The following SLC12A4 variants were observed in gnomAD, a reference collection of about 807,000 sequenced individuals.
The protein encoded by SLC12A4 is solute carrier family 12 member 4.
Under a neutral mutation model 119.2 loss-of-function variants are expected in SLC12A4, and 84 were observed. That is an observed-to-expected ratio of 0.70 (90% CI 0.59 to 0.85). The LOEUF (loss-of-function observed/expected upper bound fraction) is 0.85, where lower values mean the gene tolerates loss of function less well. SLC12A4 is among the 40% of genes least tolerant of loss of function. The pLI, the probability that SLC12A4 is intolerant of heterozygous loss-of-function variation, is 0.00. For synonymous variants in SLC12A4, 599 were observed against 604.6 expected, an observed-to-expected ratio of 0.99 and a Z score of 0.14; for missense variants, 1,298 against 1,476.3, an observed-to-expected ratio of 0.88 and a Z score of 1.98.
Position 67,951,200 on chromosome 16 carries a change from C to T in SLC12A4, c.1237G>A (p.Val413Ile), listed in dbSNP as rs2058411522. Residue 413 changes from valine (V) to isoleucine (I), a missense_variant, in exon 9 of 24, where the codon GTC (valine) becomes ATC (isoleucine). Val to Ile is a conservative substitution (Grantham distance 29). Transcript: ENST00000316341. This position sits in a 1 kb window ranked among gnomAD's most constrained non-coding sequence, Gnocchi z 5.2. ...GTGAAGGATGTGGCGATGTCAGCGA[C>T]CACGTACAGAGGCAGGCTCTCCTTC... ...SLKESLPLYV[V>I]ADIATSFTVL... 1 of 1,613,988 alleles carries T rather than the reference C, an allele frequency of 6.2e-7. No individual in the cohort carries two copies. The highest frequency in any genetic ancestry group is 1.3e-5 in the African/African-American group (1 of 74,920).
chr16:67,946,483 C>T lies in SLC12A4; in HGVS notation c.2392G>A (p.Gly798Ser), dbSNP rs138187345. Reference protein sequence around the residue: ...HNSVVLGWPYGWRQSEDPRAW... With the variant: ...HNSVVLGWPYSWRQSEDPRAW... ...CGGGGGTCCTCGCTCTGTCGCCAGC[C>T]GTAGGGCCAGCCCAGCACCACGGAG... is the stretch of plus-strand genomic sequence containing the variant. Residue 798 changes from glycine to serine, a missense_variant, in exon 18 of 24, where the codon GGC (glycine) becomes AGC (serine). By Grantham distance (56) the Gly-to-Ser change is moderately conservative (BLOSUM62 0). Coordinates refer to ENST00000316341, the MANE Select transcript of SLC12A4 (RefSeq NM_005072.5). 110 of 1,608,102 alleles carry T rather than the reference C, an allele frequency of 6.8e-5. No individual in the cohort carries two copies. The highest frequency in any genetic ancestry group is 1.2e-4 in the South Asian group (11 of 91,090).
Position 67,950,172 on chromosome 16 carries a change from C to T in SLC12A4, c.1629+147G>A. 1.1e-6 allele frequency: 1 copy of T among 942,872 alleles called. No individual in the cohort carries two copies. Among genetic ancestry groups the T allele is most frequent in the South Asian group, 1.7e-5 (1 of 58,852 alleles). The allele number at this position is 942,872 out of a possible 1,614,324, so 58.4% of individuals were successfully genotyped here. ...GCCCAGGTGAGTGCCAGGCCCAGGG[C>T]ACTTCTCAGTAGCTCCTCATGGATG... On this transcript the variant is annotated intron_variant, in intron 12 of 23. Coordinates refer to ENST00000316341, the MANE Select transcript of SLC12A4 (RefSeq NM_005072.5). The surrounding 1 kb of genome is among the most constrained non-coding windows in gnomAD (Gnocchi z 4.3).
At position 67,957,190 on chromosome 16, in the gene SLC12A4, G is replaced by A. The variant is rs889242771; in HGVS notation, c.544+552C>T. On this transcript the variant is annotated intron_variant, in intron 5 of 23. Transcript: ENST00000316341. ...GCTAATTTTTTTTTTTTTTTTTTGC[G>A]ACGGAGTCTCGCTCTGTCGCCCAGG... is the stretch of plus-strand genomic sequence containing the variant. Among the ~76,000 whole-genome samples, 11 of 141,136 alleles carry A rather than the reference G, an allele frequency of 7.8e-5. No individual in the cohort carries two copies. The East Asian group carries it at 1.0e-3, about 13-fold the overall frequency. 92.6% of individuals were successfully genotyped at this position (141,136 alleles called of 152,430 possible).
intron 5 of SLC12A4, 141 bp downstream of exon 5, chr16:67,957,600 TG>T: frequency 1.2e-6 from 1 of 854,992 alleles, no homozygotes; most frequent in Non-Finnish European, 1.9e-6. Context: ...AGCTCCTACG[TG>T]GGCACTGTCC....
intron 1 of SLC12A4, 137 bp downstream of exon 1, chr16:67,968,302 C>T (rs902923841): frequency 2.8e-6 from 2 of 723,044 alleles, no homozygotes; most frequent in Non-Finnish European, 4.1e-6. Context: ...GTGGCAGCGG[C>T]GCGGTCCAAA....
intron 5 of SLC12A4, 129 bp from the exon 6 acceptor site, chr16:67,954,902 G>T: frequency 2.6e-6 from 3 of 1,156,038 alleles, no homozygotes; most frequent in Non-Finnish European, 3.7e-6. Context: ...TGAGTAGAGG[G>T]GCTGGGAGAC....
chr16:67,961,663 T>C lies in SLC12A4; in HGVS notation c.254A>G (p.Lys85Arg). The change falls in exon 3 of 24, where the codon AAG becomes AGG. Residue 85 changes from lysine to arginine, a missense_variant. Lys to Arg is a conservative substitution (Grantham distance 26). Transcript: ENST00000316341. ...GGTGAGGTTGGTGTAGCTGACGAGC[T>C]TTCCCAGAAGAGACGATACCTTTGG... ...IRPKVSSLLGKLVSYTNLTQG... is the reference protein window; with the variant it reads ...IRPKVSSLLGRLVSYTNLTQG... The C allele has an allele frequency of 4.3e-6, 7 of 1,614,202 alleles. No homozygotes were observed. The highest frequency in any genetic ancestry group is 5.9e-6 in the Non-Finnish European group (7 of 1,180,030).
intron 14 of SLC12A4, 68 bp downstream of exon 14, chr16:67,947,993 A>G (rs7200210): frequency 0.067 from 104,533 of 1,552,186 alleles, 8,050 homozygotes; most frequent in African/African-American, 0.39. Flanking sequence ...TACCCAGGAA[A>G]CCCAAGCCTC....
At chr16:67,953,354 T>C (rs2030052221) in intron 6 of SLC12A4, among the ~76,000 whole-genome samples, 1 of 152,120 alleles carries the variant, frequency 6.6e-6, no homozygotes, top group Admixed American at 6.5e-5. Flanking sequence ...GCCACTGCAC[T>C]CCAGCTTGGG....
chr16:67,963,355 AGAG>A, intron 2 of SLC12A4, 107 bp downstream of exon 2: 1 of 633,944 alleles, frequency 1.6e-6, no homozygotes, highest in Non-Finnish European at 2.7e-6. Context: ...CAGGAACACA[AGAG>A]GAGATGAGAG....
intron 3 of SLC12A4, among the ~76,000 whole-genome samples, chr16:67,960,609 T>G (rs2030512002): frequency 6.6e-6 from 1 of 151,232 alleles, no homozygotes; most frequent in Non-Finnish European, 1.5e-5. Context: ...CTGAGAATAC[T>G]ACAGCCAGTG....
intron 3 of SLC12A4, among the ~76,000 whole-genome samples, chr16:67,959,830 G>T (rs2030468677): frequency 6.6e-6 from 1 of 152,216 alleles, no homozygotes; most frequent in South Asian, 2.1e-4. Flanking sequence ...AGCTGCTGGG[G>T]AGAGGCTGCT....
chr16:67,953,538 G>T (rs535013116), intron 6 of SLC12A4, among the ~76,000 whole-genome samples: 112 of 152,352 alleles, frequency 7.4e-4, no homozygotes, highest in African/African-American at 2.7e-3. Flanking sequence ...AGGGCTGGCG[G>T]GGAATGGAGA....
rs758752324 is a variant in SLC12A4, at chr16:67,950,683, G to C, written c.1425C>G (p.Ala475=). 3 of 1,612,344 alleles carry C rather than the reference G, an allele frequency of 1.9e-6. No homozygotes were observed. Among genetic ancestry groups the C allele is most frequent in the Non-Finnish European group, 2.5e-6 (3 of 1,179,196 alleles). The change falls in exon 11 of 24, where the codon GCC becomes GCG. Residue 475 remains alanine (A), a synonymous_variant. Coordinates refer to ENST00000316341, the MANE Select transcript of SLC12A4 (RefSeq NM_005072.5). This position sits in a 1 kb window ranked among gnomAD's most constrained non-coding sequence, Gnocchi z 4.3. ...VYFSSVVLFG[A]CIEGVVLRDK... ...CCCGGAGAACCACACCCTCAATGCA[G>C]GCACCAAAGAGAACCACACTGCTGA... is the stretch of plus-strand genomic sequence containing the variant.
intron 15 of SLC12A4, 96 bp from the exon 16 acceptor site, chr16:67,947,531 C>T (rs2058366114): frequency 1.1e-5 from 16 of 1,499,706 alleles, no homozygotes; most frequent in African/African-American, 1.4e-5. Context: ...CTCAAGACCA[C>T]CCAGGGGTCC....
chr16:67,967,481 A>G (rs1332293748), intron 1 of SLC12A4, among the ~76,000 whole-genome samples: 1 of 152,204 alleles, frequency 6.6e-6, no homozygotes, highest in Non-Finnish European at 1.5e-5. Context: ...ACACACTTGT[A>G]CAAGCACAAT....
chr16:67,952,702 T>A (rs982819663), intron 6 of SLC12A4, among the ~76,000 whole-genome samples: 4 of 151,208 alleles, frequency 2.6e-5, no homozygotes, highest in Non-Finnish European at 1.5e-5. Flanking sequence ...GGCAGGAGGA[T>A]CGCCTGAATC....
intron 1 of SLC12A4, chr16:67,963,827 T>C (rs1303374196): frequency 6.9e-6 from 10 of 1,448,386 alleles, no homozygotes; most frequent in Non-Finnish European, 9.3e-6. Flanking sequence ...CACAAGCACG[T>C]ATGGACACTG....
chr16:67,965,484 G>C (rs1284703697), intron 1 of SLC12A4, among the ~76,000 whole-genome samples: 1 of 152,152 alleles, frequency 6.6e-6, no homozygotes, highest in South Asian at 2.1e-4. Flanking sequence ...CCCTTCCTCT[G>C]CATGGTTTTC....
Sources: allele counts gnomAD v4.1 joint callset (sites outside exome capture counted in the v4.1 genomes callset), GRCh38; gene constraint gnomAD v4.1.1; non-coding constraint Gnocchi (gnomAD v3.1); transcripts MANE v1.5; gene names NCBI Gene and HGNC (gene_info 2026-07-23, HGNC 2026-07-21).